Variants in HIGD1A observed in about 807,000 individuals in gnomAD.
HIGD1A encodes the protein HIG1 domain family member 1A, mitochondrial.
In HIGD1A, 8 loss-of-function variants were observed where a neutral mutation model predicts 11.3. The ratio of observed to expected loss-of-function variants is 0.71; its 90% CI spans 0.42 to 1.28. The LOEUF is 1.28. HIGD1A is among the 50% of genes most tolerant of loss of function. The pLI, the probability that HIGD1A is intolerant of heterozygous loss-of-function variation, is 0.01. For synonymous variants in HIGD1A, 32 were observed against 38.4 expected (o/e 0.83, Z 0.62); for missense variants, 107 against 118.8 (o/e 0.90, Z 0.46).
At chr3:42,803,213 A>G (rs539847010) in intron 1 of HIGD1A, among the ~76,000 whole-genome samples, 1 of 152,340 alleles carries the variant, frequency 6.6e-6, no homozygotes, top group South Asian at 2.1e-4. Flanking sequence ...TACGCTTAGT[A>G]AGACACGACT....
At chr3:42,785,351 C>T (rs1700337216) in intron 3 of HIGD1A, 31 bp from the exon 4 acceptor site, 2 of 1,565,128 alleles carry the variant, frequency 1.3e-6, no homozygotes, top group Non-Finnish European at 1.8e-6. Context: ...TTAAGCATTT[C>T]AGTATTTTCT....
chr3:42,802,386 A>C (rs1453778619), intron 1 of HIGD1A, among the ~76,000 whole-genome samples: 1 of 152,138 alleles, frequency 6.6e-6, no homozygotes, highest in Non-Finnish European at 1.5e-5. Context: ...ACAGATGATA[A>C]TCTGTCTGTG....
rs1379621982 is a variant in HIGD1A at position 42,783,614 on chromosome 3, C to A, written c.*1657G>T. 6.6e-6 allele frequency among the ~76,000 whole-genome samples: 1 copy of A among 151,842 alleles called. No homozygotes were observed. The highest frequency in any genetic ancestry group is 2.4e-5 in the African/African-American group (1 of 41,252). ...TCAGCAACAGAGCAAGACTCTGTCT[C>A]AAAATAAACAAACAAACAAACAAAC... On this transcript the variant is annotated 3_prime_UTR_variant, in exon 4 of 4. Coordinates refer to ENST00000321331, the MANE Select transcript of HIGD1A (RefSeq NM_014056.4).
intron 1 of HIGD1A, 49 bp from the exon 2 acceptor site, chr3:42,794,324 T>C (rs769972633): frequency 7.4e-5 from 110 of 1,486,428 alleles, no homozygotes; most frequent in Non-Finnish European, 9.6e-5. Flanking sequence ...ATCTGAACAT[T>C]ATTAAATATC....
At chr3:42,802,607 C>A (rs1700580360) in intron 1 of HIGD1A, among the ~76,000 whole-genome samples, 1 of 152,124 alleles carries the variant, frequency 6.6e-6, no homozygotes, top group Non-Finnish European at 1.5e-5. Context: ...TTATAGCCAC[C>A]TGAATTGAAA....
chr3:42,788,029 C>T lies in HIGD1A; in HGVS notation c.98-1867G>A, dbSNP rs531372289. Among the ~76,000 whole-genome samples the T allele has an allele frequency of 2.2e-3, 5 of 2,238 alleles. No homozygotes were observed. In the Non-Finnish European group the frequency reaches 0.033, roughly 15 times the overall value. The allele number at this position is 2,238 out of a possible 152,430, so 1.5% of individuals were successfully genotyped here. A position where few individuals can be genotyped will look rare whatever the true frequency, so the allele number is the denominator to read the frequency against. On this transcript the variant is annotated intron_variant, in intron 2 of 3. Coordinates refer to ENST00000321331, the MANE Select transcript of HIGD1A (RefSeq NM_014056.4). The stretch of plus-strand genomic sequence containing the variant: ...TAAAACAACCACACACATACCCCCA[C>T]CTCTAACCACTGAGAAGCTGAGCAC...
intron 2 of HIGD1A, among the ~76,000 whole-genome samples, chr3:42,789,895 A>T (rs1241280669): frequency 1.3e-5 from 2 of 151,296 alleles, no homozygotes; most frequent in East Asian, 1.9e-4. Context: ...TAATTTTTAA[A>T]TTTTTTTTGT....
intron 2 of HIGD1A, among the ~76,000 whole-genome samples, chr3:42,787,200 A>AAAT (rs1379079981): frequency 6.6e-6 from 1 of 152,126 alleles, no homozygotes; most frequent in African/African-American, 2.4e-5. Flanking sequence ...ATTTTAATAC[A>AAAT]GGAAATAGAT....
In HIGD1A at chr3:42,794,028, T is replaced by A. The variant is rs535047971; in HGVS notation, c.97+129A>T. 10 of 913,408 alleles carry A rather than the reference T, an allele frequency of 1.1e-5. No homozygotes were observed. In the Admixed American group the frequency reaches 3.4e-4, roughly 31 times the overall value. The allele number at this position is 913,408 out of a possible 1,614,324, so 56.6% of individuals were successfully genotyped here. A position where few individuals can be genotyped will look rare whatever the true frequency, so the allele number is the denominator to read the frequency against. Reference sequence around the variant, plus strand: ...AAGAATCTTTATGATGAGATTTATATCATGCCAATCTCAGCATATTTCAAC... The same window carrying A: ...AAGAATCTTTATGATGAGATTTATAACATGCCAATCTCAGCATATTTCAAC... On this transcript the variant is annotated intron_variant, in intron 2 of 3. Coordinates refer to ENST00000321331, the MANE Select transcript of HIGD1A (RefSeq NM_014056.4).
intron 2 of HIGD1A, among the ~76,000 whole-genome samples, chr3:42,790,228 GAATCA>G (rs1442272456): frequency 1.3e-5 from 2 of 152,124 alleles, no homozygotes; most frequent in Non-Finnish European, 2.9e-5. Context: ...AAATCCAAGA[GAATCA>G]AATGAAACAC....
rs762243803 is a variant in HIGD1A at position 42,794,213 on chromosome 3, T to C, written c.41A>G (p.Glu14Gly). ...TCGAATGAGTTTTGATCCCTGATCT[T>C]CCTCATATGAAGGAAGGGAAACACC... is the stretch of plus-strand genomic sequence containing the variant. ...DTGVSLPSYE[E>G]DQGSKLIRKA... The change falls in exon 2 of 4, where the codon GAA becomes GGA. Residue 14 changes from glutamate to glycine, a missense_variant. Coordinates refer to ENST00000321331, the MANE Select transcript of HIGD1A (RefSeq NM_014056.4). 6.2e-7 allele frequency: 1 copy of C among 1,605,584 alleles called. No homozygotes were observed. Among genetic ancestry groups the C allele is most frequent in the South Asian group, 1.1e-5 (1 of 88,758 alleles).
At chr3:42,787,793 T>C (rs1182122359) in intron 2 of HIGD1A, among the ~76,000 whole-genome samples, 5 of 150,790 alleles carry the variant, frequency 3.3e-5, no homozygotes, top group African/African-American at 1.2e-4. Context: ...AGCTACAGAA[T>C]TGCACGGCAC....
chr3:42,790,827 G>A (rs533333611), intron 2 of HIGD1A, among the ~76,000 whole-genome samples: 5 of 152,044 alleles, frequency 3.3e-5, no homozygotes, highest in Admixed American at 1.3e-4. Flanking sequence ...CAGACACGGC[G>A]TCTTCCTATG....
intron 2 of HIGD1A, among the ~76,000 whole-genome samples, chr3:42,793,285 T>A (rs891540507): frequency 1.3e-5 from 2 of 152,192 alleles, no homozygotes; most frequent in Non-Finnish European, 2.9e-5. Context: ...TTAATATGCC[T>A]GCGAGTCCGA....
chr3:42,801,956 G>C (rs1700570250), intron 1 of HIGD1A, among the ~76,000 whole-genome samples: 1 of 152,194 alleles, frequency 6.6e-6, no homozygotes, highest in Admixed American at 6.5e-5. Flanking sequence ...CTTGAGCCTG[G>C]AAAGTGGAGG....
At chr3:42,801,048 G>A (rs1700553100) in intron 1 of HIGD1A, among the ~76,000 whole-genome samples, 1 of 152,014 alleles carries the variant, frequency 6.6e-6, no homozygotes, top group Non-Finnish European at 1.5e-5. Flanking sequence ...CTGAGGTCTG[G>A]GCTATATAGT....
chr3:42,793,807 T>C (rs1282802605), intron 2 of HIGD1A, among the ~76,000 whole-genome samples: 2 of 152,050 alleles, frequency 1.3e-5, no homozygotes, highest in African/African-American at 2.4e-5. Flanking sequence ...CCCGTGTCTA[T>C]ACAAAACTAC....
intron 2 of HIGD1A, among the ~76,000 whole-genome samples, chr3:42,792,657 G>C (rs1700438569): frequency 7.9e-6 from 1 of 126,178 alleles, no homozygotes; most frequent in African/African-American, 3.1e-5. Flanking sequence ...CTGGGCGACA[G>C]AGCAAGACTC....
chr3:42,790,577 T>C (rs1054626286), intron 2 of HIGD1A, among the ~76,000 whole-genome samples: 2 of 152,190 alleles, frequency 1.3e-5, no homozygotes, highest in Non-Finnish European at 2.9e-5. Context: ...GAAAAAAGAT[T>C]ACTTTGATGA....
Sources: gnomAD v4.1 joint callset for allele counts (sites outside exome capture counted in the v4.1 genomes callset) on GRCh38, gnomAD v4.1.1 for gene constraint, MANE v1.5 for transcripts, NCBI Gene and HGNC (gene_info 2026-07-23, HGNC 2026-07-21) for gene names.